RBM23: variants seen among roughly 807,000 people sequenced by gnomAD.
The protein encoded by RBM23 is probable RNA-binding protein 23.
RBM23 carries 53 observed loss-of-function variants against 56.2 expected under a neutral mutation model. The ratio of observed to expected loss-of-function variants is 0.94; its 90% CI spans 0.76 to 1.19. The LOEUF is 1.19. Among genes scored for constraint, RBM23 ranks in the 50% most tolerant of loss-of-function variants. The probability of loss-of-function intolerance (pLI) is 0.00; values close to 1 mark genes in which losing one functional copy is unlikely to be tolerated. For missense variants in RBM23, 642 were observed against 590.3 expected (o/e 1.09, Z -0.91); for synonymous variants, 197 against 198.5 (o/e 0.99, Z 0.06).
At position 22,911,369 on chromosome 14, in the gene RBM23, C is replaced by CTA. The variant is rs745686556; in HGVS notation, c.23_24dup (p.Val9Ter). ...GGAGCTTCCAGCATGGCCTCAATCA[C>CTA]TATGTCAAAGTCATCAGATGCCATC... On this transcript the variant is annotated frameshift_variant, in exon 2 of 14. Coordinates refer to ENST00000359890, the MANE Select transcript of RBM23 (RefSeq NM_001077351.2). LOFTEE classifies it high-confidence loss of function. 6.2e-7 allele frequency: 1 copy of CTA among 1,613,742 alleles called. No homozygotes were observed. The highest frequency in any genetic ancestry group is 8.5e-7 in the Non-Finnish European group (1 of 1,179,768).
rs544729698 is a variant in RBM23, at chr14:22,911,857, G to C, written c.-10-454C>G. 3 of 153,514 alleles carry C rather than the reference G, an allele frequency of 2.0e-5. 1 individual carries two copies. The South Asian group carries it at 6.0e-4, about 31-fold the overall frequency. 9.5% of individuals were successfully genotyped at this position (153,514 alleles called of 1,614,324 possible). ...ACCCAAAAGGTGGAGGTTGCAGTGA[G>C]CCAAGATCACGCCACTGTACTCCAG... On this transcript the variant is annotated intron_variant, in intron 1 of 13. Transcript: ENST00000359890.
intron 1 of RBM23, 38 bp downstream of exon 1, chr14:22,918,961 G>A (rs140773250): frequency 6.6e-6 from 1 of 152,266 alleles, no homozygotes; most frequent in African/African-American, 2.4e-5. Flanking sequence ...TCACGCATTG[G>A]TGACGTCTGG....
chr14:22,901,542 C>A lies in RBM23; in HGVS notation c.*188G>T, dbSNP rs2040484455. On this transcript the variant is annotated 3_prime_UTR_variant, in exon 14 of 14. Transcript: ENST00000359890. ...AACTGGTGGCTTTGCTCAGCAGAGT[C>A]CATTTCCAGTGGGACCATGGGCAGG... The A allele has an allele frequency of 1.3e-6, 1 of 785,048 alleles. No individual in the cohort carries two copies. The highest frequency in any genetic ancestry group is 2.1e-6 in the Non-Finnish European group (1 of 485,586). 48.6% of individuals were successfully genotyped at this position (785,048 alleles called of 1,614,324 possible). A position where few individuals can be genotyped will look rare whatever the true frequency, so the allele number is the denominator to read the frequency against.
rs534997223 is a variant in RBM23 at position 22,915,913 on chromosome 14, A to G, written c.-11+3086T>C. On this transcript the variant is annotated intron_variant, in intron 1 of 13. Coordinates refer to ENST00000359890, the MANE Select transcript of RBM23 (RefSeq NM_001077351.2). ...AAAACTAACGTTTTTTGAACTGCTC[A>G]AAGTCATACATAGCTCAAGGGCCAG... Among the ~76,000 whole-genome samples, 12 of 152,354 alleles carry G rather than the reference A, an allele frequency of 7.9e-5. 1 individual carries two copies. The South Asian group carries it at 2.5e-3, about 32-fold the overall frequency.
In RBM23 at chr14:22,900,393, G is replaced by C. The variant is rs1240844177; in HGVS notation, c.*1337C>G. On this transcript the variant is annotated 3_prime_UTR_variant, in exon 14 of 14. Transcript: ENST00000359890. ...AAGTGTAGAATGCAGTACTGTCATA[G>C]TGCCATCTGCTGGAAAGATCTGTCA... is the stretch of plus-strand genomic sequence containing the variant. 1 of 136,996 alleles carries C rather than the reference G, an allele frequency of 7.3e-6. No individual in the cohort carries two copies. The highest frequency in any genetic ancestry group is 1.5e-5 in the Non-Finnish European group (1 of 64,582). 8.5% of individuals were successfully genotyped at this position (136,996 alleles called of 1,614,324 possible). A position where few individuals can be genotyped will look rare whatever the true frequency, so the allele number is the denominator to read the frequency against.
rs1421328088 is a variant in RBM23, at chr14:22,910,718, A to T, written c.66+610T>A. On this transcript the variant is annotated intron_variant, in intron 2 of 13. Transcript: ENST00000359890. ...ACCCTGTCTCTATAAAAAATATATT[A>T]AAAAAGAAACTGGGACGGGCGCAGT... Among the ~76,000 whole-genome samples the T allele has an allele frequency of 2.0e-5, 3 of 152,126 alleles. No individual in the cohort carries two copies. In the South Asian group the frequency reaches 6.2e-4, roughly 32 times the overall value.
In RBM23 at chr14:22,905,613, G is replaced by C; in HGVS notation, c.448C>G (p.Pro150Ala). The change falls in exon 6 of 14, where the codon CCA becomes GCA. Residue 150 changes from proline to alanine, a missense_variant. Transcript: ENST00000359890. Reference sequence around the variant, plus strand: ...TGTTCATTATCAACCCACCTGACTGGGCTCTTCTCTCTGAAATGAGGACTC... The same window carrying C: ...TGTTCATTATCAACCCACCTGACTGCGCTCTTCTCTCTGAAATGAGGACTC... Reference protein sequence around the residue: ...SKSPHFREKSPVREPVDNLSP... With the variant: ...SKSPHFREKSAVREPVDNLSP... 1 of 1,610,730 alleles carries C rather than the reference G, an allele frequency of 6.2e-7. No individual in the cohort carries two copies.
rs1377208218 is a variant in RBM23, at chr14:22,902,042, G to A, written c.1184C>T (p.Ala395Val). The change falls in exon 12 of 14, where the codon GCT becomes GTT. Residue 395 changes from alanine to valine, a missense_variant. Transcript: ENST00000359890. ...AAAAAAAAAQ[A>V]AALQLNGAVP... ...TGCTCCATTCAGTTGCAAGGCAGCA[G>A]CCTGGGCGGCGGCGGCAGCAGCAGC... The A allele has an allele frequency of 1.3e-6, 2 of 1,571,752 alleles. No homozygotes were observed. Among genetic ancestry groups the A allele is most frequent in the Non-Finnish European group, 1.7e-6 (2 of 1,150,606 alleles).
At chr14:22,909,780 A>T (rs2042149254) in intron 2 of RBM23, among the ~76,000 whole-genome samples, 185 bp from the exon 3 acceptor site, 1 of 152,190 alleles carries the variant, frequency 6.6e-6, no homozygotes, top group African/African-American at 2.4e-5. Flanking sequence ...CCTAAAAGGA[A>T]GAGATCAGCA....
In RBM23 at chr14:22,905,284, A is replaced by G. The variant is rs1248016807; in HGVS notation, c.574-38T>C. On this transcript the variant is annotated intron_variant, in intron 7 of 13. Coordinates refer to ENST00000359890, the MANE Select transcript of RBM23 (RefSeq NM_001077351.2). ...CAAAAGAAATCCTGAGTTAGGCATAAAGGGAGATACAAGCTAAGCTACTCA... is the reference window on the plus strand; with the variant it reads ...CAAAAGAAATCCTGAGTTAGGCATAGAGGGAGATACAAGCTAAGCTACTCA... The G allele has an allele frequency of 1.5e-5, 24 of 1,613,834 alleles. No homozygotes were observed. The Admixed American group carries it at 4.0e-4, about 27-fold the overall frequency.
Position 22,903,074 on chromosome 14 carries a change from G to A in RBM23, c.931-692C>T, listed in dbSNP as rs182914714. ...TGGGATTACAGGTGTGAGCCACCGC[G>A]CCTGGCCAAATTTTAGTTAAGTACT... On this transcript the variant is annotated intron_variant, in intron 10 of 13. Transcript: ENST00000359890. The A allele has an allele frequency of 8.2e-4, 803 of 985,264 alleles. 5 individuals are homozygous for A. In the African/African-American group the frequency reaches 0.012, roughly 14 times the overall value. The allele number at this position is 985,264 out of a possible 1,614,324, so 61.0% of individuals were successfully genotyped here. A position where few individuals can be genotyped will look rare whatever the true frequency, so the allele number is the denominator to read the frequency against.
At position 22,896,808 on chromosome 14, in the gene RBM23, G is replaced by A. The variant is rs981648020; in HGVS notation, c.*4922C>T. The A allele has an allele frequency of 1.3e-5, 2 of 152,158 alleles. No individual in the cohort carries two copies. The highest frequency in any genetic ancestry group is 1.3e-4 in the Admixed American group (2 of 15,274). 9.4% of individuals were successfully genotyped at this position (152,158 alleles called of 1,614,324 possible). A position where few individuals can be genotyped will look rare whatever the true frequency, so the allele number is the denominator to read the frequency against. ...CTTTCACAGAGCTCTCTCAACCAAG[G>A]GCACACCAGAGAGCAAACCAGTCCT... On this transcript the variant is annotated 3_prime_UTR_variant, in exon 14 of 14. Coordinates refer to ENST00000359890, the MANE Select transcript of RBM23 (RefSeq NM_001077351.2).
chr14:22,918,122 C>A (rs1034571619), intron 1 of RBM23, among the ~76,000 whole-genome samples: 14 of 152,208 alleles, frequency 9.2e-5, no homozygotes, highest in Admixed American at 3.3e-4. Flanking sequence ...AGGCCGGGCG[C>A]GGTGGCTCAC....
In RBM23 at chr14:22,902,211, GA is replaced by G; in HGVS notation, c.1101del (p.Gln368SerfsTer33). On this transcript the variant is annotated frameshift_variant, in exon 11 of 14. Coordinates refer to ENST00000359890, the MANE Select transcript of RBM23 (RefSeq NM_001077351.2). LOFTEE classifies it high-confidence loss of function. Reference sequence around the variant, plus strand: ...CCTTCTGCCAGTTTTGCCATGAGCTGAAAACGTCCACCTGCTGATCCCAGAT... The same window carrying G: ...CCTTCTGCCAGTTTTGCCATGAGCTGAAACGTCCACCTGCTGATCCCAGAT... The part of the protein sequence containing the change: ...ELDLGSAGGR[F>X]QLMAKLAEGA... 6.2e-7 allele frequency: 1 copy of G among 1,614,138 alleles called. No homozygotes were observed. The highest frequency in any genetic ancestry group is 8.5e-7 in the Non-Finnish European group (1 of 1,179,982).
chr14:22,905,482 C>G, intron 6 of RBM23, 29 bp from the exon 7 acceptor site: 1 of 1,605,084 alleles, frequency 6.2e-7, no homozygotes, highest in Non-Finnish European at 8.5e-7. Flanking sequence ...TGAGACCAGC[C>G]CTCCCAATAC....
intron 3 of RBM23, among the ~76,000 whole-genome samples, 168 bp downstream of exon 3, chr14:22,909,315 G>C (rs1278404082): frequency 1.3e-5 from 2 of 152,136 alleles, no homozygotes; most frequent in Non-Finnish European, 2.9e-5. Flanking sequence ...GGAAAATGAA[G>C]ACTAGATAAT....
chr14:22,905,615 CTCT>C lies in RBM23; in HGVS notation c.443_445del (p.Lys148del), dbSNP rs2041397560. 1.2e-6 allele frequency: 2 copies of C among 1,610,838 alleles called. No individual in the cohort carries two copies. Among genetic ancestry groups the C allele is most frequent in the African/African-American group, 2.7e-5 (2 of 75,028 alleles). ...TTCATTATCAACCCACCTGACTGGGCTCTTCTCTCTGAAATGAGGACTCTTACT... is the reference window on the plus strand; with the variant it reads ...TTCATTATCAACCCACCTGACTGGGCTCTCTCTGAAATGAGGACTCTTACT... On this transcript the variant is annotated inframe_deletion, in exon 6 of 14. Coordinates refer to ENST00000359890, the MANE Select transcript of RBM23 (RefSeq NM_001077351.2).
intron 1 of RBM23, among the ~76,000 whole-genome samples, chr14:22,915,766 T>C (rs2043374361): frequency 6.6e-6 from 1 of 152,246 alleles, no homozygotes; most frequent in Non-Finnish European, 1.5e-5. Flanking sequence ...AGTGCTGGGA[T>C]TACAGGCATG....
chr14:22,899,022 G>A lies in RBM23; in HGVS notation c.*2708C>T. ...ATAAGATGGGGGAAGGGATGGGGGT[G>A]GTAACCAGGAGAACAGCAACATCAT... On this transcript the variant is annotated 3_prime_UTR_variant, in exon 14 of 14. Transcript: ENST00000359890. 1 of 152,276 alleles carries A rather than the reference G, an allele frequency of 6.6e-6. No homozygotes were observed. Among genetic ancestry groups the A allele is most frequent in the Non-Finnish European group, 1.5e-5 (1 of 68,038 alleles). The allele number at this position is 152,276 out of a possible 1,614,324, so 9.4% of individuals were successfully genotyped here.
Sources: gnomAD v4.1 joint callset for allele counts (sites outside exome capture counted in the v4.1 genomes callset) on GRCh38, gnomAD v4.1.1 for gene constraint, MANE v1.5 for transcripts, NCBI Gene and HGNC (gene_info 2026-07-23, HGNC 2026-07-21) for gene names.